Variants in ATRNL1 observed in about 807,000 individuals in gnomAD.
The protein encoded by ATRNL1 is attractin like 1.
A neutral mutation model predicts 182.7 loss-of-function variants in ATRNL1; 95 were observed. The ratio of observed to expected loss-of-function variants is 0.52; its 90% CI spans 0.44 to 0.62. The LOEUF is 0.62. ATRNL1 is among the 20% of genes least tolerant of loss of function. ATRNL1 has a pLI of 0.00. For synonymous variants in ATRNL1, 576 were observed against 568.3 expected (o/e 1.01, Z -0.19); for missense variants, 1,471 against 1,679.5 (o/e 0.88, Z 2.17).
At chr10:115,167,054 G>T (rs1181554228) in intron 7 of ATRNL1, among the ~76,000 whole-genome samples, 2 of 151,726 alleles carry the variant, frequency 1.3e-5, no homozygotes, top group Non-Finnish European at 2.9e-5. Context: ...TTAAGTTTTT[G>T]TTGCATTTTG....
chr10:115,401,115 A>G (rs1844544313), intron 20 of ATRNL1, among the ~76,000 whole-genome samples: 1 of 152,036 alleles, frequency 6.6e-6, no homozygotes, highest in African/African-American at 2.4e-5. Context: ...AGAACTTCAT[A>G]GGTTTTCATA....
At chr10:115,325,608 A>C (rs114809143) in intron 18 of ATRNL1, among the ~76,000 whole-genome samples, 1,964 of 152,158 alleles carry the variant, frequency 0.013, 36 homozygotes, top group African/African-American at 0.044. Flanking sequence ...TATACTTTCC[A>C]CCAGATGGAT....
chr10:115,333,645 C>T (rs1410285155), intron 18 of ATRNL1, among the ~76,000 whole-genome samples: 1 of 151,924 alleles, frequency 6.6e-6, no homozygotes. Context: ...CCACCATGCC[C>T]AGCTAATTTT....
intron 26 of ATRNL1, among the ~76,000 whole-genome samples, chr10:115,591,727 G>A (rs1410334514): frequency 6.6e-6 from 1 of 152,052 alleles, no homozygotes; most frequent in Non-Finnish European, 1.5e-5. Flanking sequence ...TACTTTGGTG[G>A]GAATCTCACT....
At chr10:115,469,081 TATA>T in intron 23 of ATRNL1, 88 bp from the exon 24 acceptor site, 1 of 439,124 alleles carries the variant, frequency 2.3e-6, no homozygotes, top group Non-Finnish European at 3.8e-6. Flanking sequence ...TAATTATTTT[TATA>T]AGAGCAATTA....
chr10:115,694,179 C>G (rs1467829636), intron 26 of ATRNL1, among the ~76,000 whole-genome samples: 1 of 145,818 alleles, frequency 6.9e-6, no homozygotes, highest in Admixed American at 6.8e-5. Flanking sequence ...GACGCACACA[C>G]ACACACACAC....
intron 25 of ATRNL1, among the ~76,000 whole-genome samples, chr10:115,524,730 G>A (rs939974476): frequency 4.9e-4 from 75 of 152,300 alleles, no homozygotes; most frequent in African/African-American, 1.8e-3. Context: ...CACTTAAAGA[G>A]TGGGGAAATG....
intron 26 of ATRNL1, among the ~76,000 whole-genome samples, chr10:115,665,828 G>T (rs907825006): frequency 6.6e-6 from 1 of 152,060 alleles, no homozygotes; most frequent in South Asian, 2.1e-4. Flanking sequence ...ACTAGGACTC[G>T]ATTTCAGTAA....
chr10:115,800,220 C>CA (rs879958061), intron 27 of ATRNL1, among the ~76,000 whole-genome samples: 2,903 of 101,220 alleles, frequency 0.029, 71 homozygotes, highest in African/African-American at 0.087. Context: ...AACTCCATCT[C>CA]AAAAAAAAAA....
At chr10:115,489,173 A>G (rs1476851702) in intron 24 of ATRNL1, among the ~76,000 whole-genome samples, 2 of 152,106 alleles carry the variant, frequency 1.3e-5, no homozygotes, top group Non-Finnish European at 2.9e-5. Context: ...ATTAAGTGCA[A>G]TGTGGTGCTG....
intron 7 of ATRNL1, among the ~76,000 whole-genome samples, chr10:115,170,158 A>G (rs1385431993): frequency 4.6e-5 from 7 of 152,156 alleles, no homozygotes; most frequent in Non-Finnish European, 1.0e-4. Context: ...AACATCCACT[A>G]CAATGTTGAA....
intron 28 of ATRNL1, among the ~76,000 whole-genome samples, chr10:115,919,196 A>C (rs1286736904): frequency 3.3e-5 from 5 of 152,154 alleles, no homozygotes; most frequent in African/African-American, 1.2e-4. Context: ...AGGTGTTCCA[A>C]TTCTACTGAT....
At chr10:115,664,744 T>C (rs1860901679) in intron 26 of ATRNL1, among the ~76,000 whole-genome samples, 1 of 152,250 alleles carries the variant, frequency 6.6e-6, no homozygotes, top group Admixed American at 6.5e-5. Context: ...AAAAAATCAA[T>C]ATTTTTTTTC....
intron 24 of ATRNL1, among the ~76,000 whole-genome samples, chr10:115,509,343 C>T (rs1268696873): frequency 2.0e-5 from 3 of 151,978 alleles, no homozygotes; most frequent in South Asian, 2.1e-4. Context: ...GGTGTCCCCA[C>T]CAAAATCTCA....
At chr10:115,461,178 T>C (rs1281494338) in intron 21 of ATRNL1, among the ~76,000 whole-genome samples, 1 of 152,058 alleles carries the variant, frequency 6.6e-6, no homozygotes, top group African/African-American at 2.4e-5. Flanking sequence ...AAGACAGAAG[T>C]AATCTATATT....
chr10:115,813,346 A>G (rs1014402533), intron 27 of ATRNL1, among the ~76,000 whole-genome samples: 16 of 151,988 alleles, frequency 1.1e-4, no homozygotes, highest in Non-Finnish European at 2.9e-5. Context: ...TTTTTGTTTC[A>G]TTGTTTCTTA....
chr10:115,485,750 T>A (rs1848988259), intron 24 of ATRNL1, among the ~76,000 whole-genome samples: 1 of 152,132 alleles, frequency 6.6e-6, no homozygotes, highest in Admixed American at 6.6e-5. Flanking sequence ...AAGATCTTTC[T>A]TTTTTTATTA....
At chr10:115,618,022 C>T (rs1436396564) in intron 26 of ATRNL1, among the ~76,000 whole-genome samples, 1 of 152,144 alleles carries the variant, frequency 6.6e-6, no homozygotes, top group East Asian at 1.9e-4. Flanking sequence ...GTAGCACCTC[C>T]CCCATCTCTC....
At position 115,641,294 on chromosome 10, in the gene ATRNL1, C is replaced by T. The variant is rs145240149; in HGVS notation, c.3796-85954C>T. Among the ~76,000 whole-genome samples the T allele has an allele frequency of 3.3e-3, 501 of 152,232 alleles. 1 individual carries two copies. The highest frequency in any genetic ancestry group is 0.024 in the Middle Eastern group (7 of 294). On this transcript the variant is annotated intron_variant, in intron 26 of 28. Transcript: ENST00000355044. ...TTTCTAAGTCTGATTTCAACTTGATCATATAATCAATTGATGCTTCTCTAT... is the reference window on the plus strand; with the variant it reads ...TTTCTAAGTCTGATTTCAACTTGATTATATAATCAATTGATGCTTCTCTAT...
Sources: gnomAD v4.1 joint callset for allele counts (sites outside exome capture counted in the v4.1 genomes callset) on GRCh38, gnomAD v4.1.1 for gene constraint, MANE v1.5 for transcripts, NCBI Gene and HGNC (gene_info 2026-07-23, HGNC 2026-07-21) for gene names.